Variants in CDC16 observed in about 807,000 individuals in gnomAD.
CDC16 encodes the protein cell division cycle protein 16 homolog.
In CDC16, 34 loss-of-function variants were observed where a neutral mutation model predicts 87.0. The observed-to-expected ratio is 0.39, with a 90% confidence interval of 0.30 to 0.52. The LOEUF is 0.52. Ranked by LOEUF, CDC16 falls within the 20% of genes least tolerant of loss-of-function variation. The probability of loss-of-function intolerance (pLI) is 0.74; values close to 1 mark genes in which losing one functional copy is unlikely to be tolerated. For synonymous variants in CDC16, 263 were observed against 260.6 expected, an observed-to-expected ratio of 1.01 and a Z score of -0.09; for missense variants, 653 against 751.9, an observed-to-expected ratio of 0.87 and a Z score of 1.54.
At position 114,270,069 on chromosome 13, in the gene CDC16, A is replaced by C. The variant is rs569364297; in HGVS notation, c.1604-2115A>C. Among the ~76,000 whole-genome samples the C allele has an allele frequency of 1.5e-3, 234 of 152,312 alleles. 1 individual carries two copies. Among genetic ancestry groups the C allele is most frequent in the African/African-American group, 5.3e-3 (222 of 41,542 alleles). ...AATTACTTCCATTTATAGGAAGATT[A>C]GTGTATTAGTTCATTCTCGCATTGC... On this transcript the variant is annotated intron_variant, in intron 17 of 17. Coordinates refer to ENST00000356221, the MANE Select transcript of CDC16 (RefSeq NM_001078645.3).
Position 114,244,006 on chromosome 13 carries a change from A to G in CDC16, c.767+17A>G, listed in dbSNP as rs746806928. On this transcript the variant is annotated intron_variant, in intron 8 of 17. Transcript: ENST00000356221. Reference sequence around the variant, plus strand: ...TACTTCTGTGTAAGTATATCCATCCATTTTTCTGTAGGAACATGGAGTTCA... The same window carrying G: ...TACTTCTGTGTAAGTATATCCATCCGTTTTTCTGTAGGAACATGGAGTTCA... The G allele has an allele frequency of 1.9e-5, 30 of 1,587,868 alleles. No individual in the cohort carries two copies. Among genetic ancestry groups the G allele is most frequent in the South Asian group, 3.4e-5 (3 of 89,238 alleles).
rs2081776322 is a variant in CDC16, at chr13:114,244,982, TTTAAA to T, written c.847+19_847+23del. ...AATAAAGCCAATGGTAAGACTTTTT[TTTAAA>T]TTAAAGTAATTCTTAGACATAAAAC... is the stretch of plus-strand genomic sequence containing the variant. On this transcript the variant is annotated intron_variant, in intron 9 of 17. Transcript: ENST00000356221. The T allele has an allele frequency of 6.8e-7, 1 of 1,480,766 alleles. No individual in the cohort carries two copies. The highest frequency in any genetic ancestry group is 9.3e-7 in the Non-Finnish European group (1 of 1,073,902). The allele number at this position is 1,480,766 out of a possible 1,614,324, so 91.7% of individuals were successfully genotyped here.
At chr13:114,241,380 C>G (rs775551556) in intron 5 of CDC16, among the ~76,000 whole-genome samples, 14 of 152,224 alleles carry the variant, frequency 9.2e-5, no homozygotes, top group Non-Finnish European at 1.8e-4. Context: ...GCTGCCTCAG[C>G]AGGCCATTGT....
intron 9 of CDC16, 52 bp downstream of exon 9, chr13:114,245,021 T>C: frequency 9.1e-7 from 1 of 1,095,180 alleles, no homozygotes; most frequent in Non-Finnish European, 1.3e-6. Flanking sequence ...ACAAATCTTT[T>C]CTGTAACTTG....
At chr13:114,251,133 A>G (rs188946886) in intron 12 of CDC16, among the ~76,000 whole-genome samples, 141 of 152,328 alleles carry the variant, frequency 9.3e-4, no homozygotes, top group African/African-American at 3.2e-3. Flanking sequence ...ATTGCTGTTC[A>G]CATTGACTGT....
chr13:114,243,941 G>C lies in CDC16; in HGVS notation c.719G>C (p.Arg240Thr), dbSNP rs1383750634. 10 of 1,606,058 alleles carry C rather than the reference G, an allele frequency of 6.2e-6. No homozygotes were observed. The Admixed American group carries it at 1.0e-4, about 16-fold the overall frequency. The part of the protein sequence containing the change: ...NLDVVVSLAE[R>T]HYYNCDFKMC... ...GATGTGGTAGTGTCTTTAGCTGAGA[G>C]ACATTATTATAACTGTGATTTTAAA... Residue 240 changes from arginine (R) to threonine (T), a missense_variant, in exon 8 of 18, where the codon AGA becomes ACA. By Grantham distance (71) the Arg-to-Thr change is moderately conservative. Coordinates refer to ENST00000356221, the MANE Select transcript of CDC16 (RefSeq NM_001078645.3).
In CDC16 at chr13:114,242,274, C is replaced by G. The variant is rs1170544891; in HGVS notation, c.535C>G (p.Gln179Glu). The change falls in exon 6 of 18, where the codon CAA becomes GAA. Residue 179 changes from glutamine to glutamate, a missense_variant. Gln to Glu is a conservative substitution (Grantham distance 29, BLOSUM62 2). Transcript: ENST00000356221. The stretch of plus-strand genomic sequence containing the variant: ...AACATCACATCACATGCTGACAGCA[C>G]AAGAAGGTTTGGAAACTCAGGCTTT... ...LLTSHHMLTA[Q>E]EEKELLESLP... 10 of 1,604,608 alleles carry G rather than the reference C, an allele frequency of 6.2e-6. No homozygotes were observed. The highest frequency in any genetic ancestry group is 1.1e-5 in the South Asian group (1 of 88,366).
intron 11 of CDC16, among the ~76,000 whole-genome samples, chr13:114,249,588 G>A (rs1282983833): frequency 6.6e-6 from 1 of 152,084 alleles, no homozygotes; most frequent in East Asian, 1.9e-4. Flanking sequence ...TTCCTTGTGG[G>A]TTAATTATAC....
chr13:114,243,498 C>CAAAAAA, intron 7 of CDC16, 150 bp downstream of exon 7: 2 of 382,434 alleles, frequency 5.2e-6, no homozygotes, highest in Non-Finnish European at 9.4e-6. Context: ...CATAAGATTC[C>CAAAAAA]AAAAAAAAAA....
chr13:114,254,046 A>G (rs2082353872), intron 12 of CDC16, among the ~76,000 whole-genome samples: 1 of 152,042 alleles, frequency 6.6e-6, no homozygotes, highest in Non-Finnish European at 1.5e-5. Flanking sequence ...ATTATAAAAT[A>G]TCACTAATTA....
Position 114,244,274 on chromosome 13 carries a change from T to C in CDC16, c.767+285T>C, listed in dbSNP as rs894768522. On this transcript the variant is annotated intron_variant, in intron 8 of 17. Coordinates refer to ENST00000356221, the MANE Select transcript of CDC16 (RefSeq NM_001078645.3). ...AAAATTCCATTTTGGCACATTGTTT[T>C]GTAAAATTTATTCTCAATTATGAGA... Among the ~76,000 whole-genome samples, 15 of 152,194 alleles carry C rather than the reference T, an allele frequency of 9.9e-5. No homozygotes were observed. The East Asian group carries it at 2.9e-3, about 29-fold the overall frequency.
chr13:114,242,225 C>T lies in CDC16; in HGVS notation c.486C>T (p.Tyr162=), dbSNP rs1348093732. The T allele has an allele frequency of 4.3e-6, 7 of 1,614,188 alleles. No individual in the cohort carries two copies. The highest frequency in any genetic ancestry group is 2.2e-5 in the South Asian group (2 of 91,082). The part of the protein sequence containing the change: ...SYKEALKLDV[Y]CFEAFDLLTS... ...AAGAAGCTTTGAAGCTTGATGTCTA[C>T]TGTTTTGAAGCGTTCGATCTTTTAA... Residue 162 remains tyrosine, a synonymous_variant, in exon 6 of 18, where the codon TAC becomes TAT. Transcript: ENST00000356221.
chr13:114,248,869 A>G (rs186649689), intron 11 of CDC16, among the ~76,000 whole-genome samples: 45 of 152,082 alleles, frequency 3.0e-4, no homozygotes, highest in African/African-American at 1.1e-3. Context: ...AGTTATTTTG[A>G]GCTATGCTGC....
At chr13:114,247,236 G>C in intron 11 of CDC16, 1 of 497,546 alleles carries the variant, frequency 2.0e-6, no homozygotes. Flanking sequence ...AGAGTGCAGT[G>C]GTGCAATAAT....
At chr13:114,252,918 G>A (rs1438279693) in intron 12 of CDC16, among the ~76,000 whole-genome samples, 4 of 151,740 alleles carry the variant, frequency 2.6e-5, no homozygotes, top group Non-Finnish European at 5.9e-5. Flanking sequence ...AGGATTGCTT[G>A]AGGCCAGGAG....
At chr13:114,235,470 G>T (rs532300395) in intron 1 of CDC16, among the ~76,000 whole-genome samples, 1 of 152,222 alleles carries the variant, frequency 6.6e-6, no homozygotes, top group Non-Finnish European at 1.5e-5. Context: ...AAGTTGCAGG[G>T]CTAGCTAATA....
intron 5 of CDC16, among the ~76,000 whole-genome samples, chr13:114,241,820 G>A (rs547304235): frequency 1.7e-4 from 26 of 152,332 alleles, no homozygotes; most frequent in African/African-American, 5.8e-4. Flanking sequence ...GGAGGCCAAA[G>A]TGGGAGGATC....
At position 114,272,476 on chromosome 13, in the gene CDC16, G is replaced by A; in HGVS notation, c.*33G>A. Reference sequence around the variant, plus strand: ...CAGTGGTCCTGGTCCCACTGTCCCAGTGTAGGTTAGTATTCCTTCACATCC... The same window carrying A: ...CAGTGGTCCTGGTCCCACTGTCCCAATGTAGGTTAGTATTCCTTCACATCC... On this transcript the variant is annotated 3_prime_UTR_variant, in exon 18 of 18. Coordinates refer to ENST00000356221, the MANE Select transcript of CDC16 (RefSeq NM_001078645.3). 6.3e-7 allele frequency: 1 copy of A among 1,593,750 alleles called. No homozygotes were observed. Among genetic ancestry groups the A allele is most frequent in the Non-Finnish European group, 8.6e-7 (1 of 1,166,784 alleles).
rs189110857 is a variant in CDC16 at position 114,267,536 on chromosome 13, C to A, written c.1603+2296C>A. On this transcript the variant is annotated intron_variant, in intron 17 of 17. Coordinates refer to ENST00000356221, the MANE Select transcript of CDC16 (RefSeq NM_001078645.3). ...CTACGTATTGGTAGTTATGCATATT[C>A]TTACATATATTAACAGTATTTTACA... 8.3e-3 allele frequency among the ~76,000 whole-genome samples: 1,261 copies of A among 152,172 alleles called. 14 individuals are homozygous for A. The highest frequency in any genetic ancestry group is 0.016 in the Admixed American group (252 of 15,294).
Sources: gnomAD v4.1 joint callset for allele counts (sites outside exome capture counted in the v4.1 genomes callset) on GRCh38, gnomAD v4.1.1 for gene constraint, MANE v1.5 for transcripts, NCBI Gene and HGNC (gene_info 2026-07-23, HGNC 2026-07-21) for gene names.